ADCY1: variants seen among roughly 807,000 people sequenced by gnomAD.
The protein encoded by ADCY1 is adenylate cyclase 1.
In ADCY1, 28 loss-of-function variants were observed where a neutral mutation model predicts 105.4. The observed-to-expected ratio is 0.27, with a 90% CI of 0.20 to 0.36. ADCY1 has a LOEUF of 0.36. Ranked by LOEUF, ADCY1 falls within the 10% of genes least tolerant of loss-of-function variation. The probability of loss-of-function intolerance (pLI) is 1.00; values close to 1 mark genes in which losing one functional copy is unlikely to be tolerated. For missense variants in ADCY1, 977 were observed against 1,434.2 expected (o/e 0.68, Z 5.15); for synonymous variants, 655 against 623.8 (o/e 1.05, Z -0.75).
intron 4 of ADCY1, among the ~76,000 whole-genome samples, chr7:45,644,868 A>G (rs886465762): frequency 6.6e-6 from 1 of 152,214 alleles, no homozygotes; most frequent in Non-Finnish European, 1.5e-5. Context: ...AAATAAAGCA[A>G]TATATTCAAC....
rs993837750 is a variant in ADCY1 at position 45,722,792 on chromosome 7, G to A, written c.*8797G>A. The A allele has an allele frequency of 5.9e-5, 9 of 152,606 alleles. No individual in the cohort carries two copies. Among genetic ancestry groups the A allele is most frequent in the African/African-American group, 2.2e-4 (9 of 41,434 alleles). The allele number at this position is 152,606 out of a possible 1,614,324, so 9.5% of individuals were successfully genotyped here. On this transcript the variant is annotated 3_prime_UTR_variant, in exon 20 of 20. Transcript: ENST00000297323. ...ACAACTCACTGAGGATGCTTCTGTA[G>A]AAGTGAGAAACACGATGAGTACATT...
chr7:45,670,126 T>TCTC (rs1784336268), intron 8 of ADCY1, among the ~76,000 whole-genome samples: 3 of 152,228 alleles, frequency 2.0e-5, no homozygotes, highest in Non-Finnish European at 4.4e-5. Flanking sequence ...TGGTTCCCCC[T>TCTC]CTGACTGTTA....
chr7:45,669,483 T>C (rs1311794481), intron 8 of ADCY1, among the ~76,000 whole-genome samples: 1 of 152,246 alleles, frequency 6.6e-6, no homozygotes, highest in Non-Finnish European at 1.5e-5. Flanking sequence ...GATTGCACTG[T>C]GGTCTGAGAG....
chr7:45,670,235 C>G (rs1784337567), intron 8 of ADCY1, among the ~76,000 whole-genome samples: 1 of 152,166 alleles, frequency 6.6e-6, no homozygotes, highest in Non-Finnish European at 1.5e-5. Context: ...GTTCCTGGTA[C>G]ATTTTCAGAG....
chr7:45,601,613 A>T (rs140814653), intron 2 of ADCY1, among the ~76,000 whole-genome samples: 1 of 152,084 alleles, frequency 6.6e-6, no homozygotes, highest in Non-Finnish European at 1.5e-5. Flanking sequence ...AGGTGCAGTC[A>T]TGAGTCCTCA....
chr7:45,704,772 T>C (rs1785077045), intron 17 of ADCY1, among the ~76,000 whole-genome samples, 156 bp downstream of exon 17: 1 of 152,096 alleles, frequency 6.6e-6, no homozygotes, highest in Non-Finnish European at 1.5e-5. Flanking sequence ...TGGCTGGCTC[T>C]CTCCAGACAC....
chr7:45,613,072 C>T (rs1451781812), intron 3 of ADCY1, among the ~76,000 whole-genome samples: 1 of 152,026 alleles, frequency 6.6e-6, no homozygotes, highest in African/African-American at 2.4e-5. Flanking sequence ...AAGAACCAGG[C>T]AAAGATGTTC....
At chr7:45,631,755 T>C (rs1584286711) in intron 4 of ADCY1, among the ~76,000 whole-genome samples, 1 of 152,222 alleles carries the variant, frequency 6.6e-6, no homozygotes, top group African/African-American at 2.4e-5. Flanking sequence ...ATGAGAAAGA[T>C]ACACAAATAA....
Position 45,703,556 on chromosome 7 carries a change from G to T in ADCY1, c.2572-44G>T, listed in dbSNP as rs372821773. 2 of 1,611,958 alleles carry T rather than the reference G, an allele frequency of 1.2e-6. No individual in the cohort carries two copies. Among genetic ancestry groups the T allele is most frequent in the Non-Finnish European group, 1.7e-6 (2 of 1,178,518 alleles). On this transcript the variant is annotated intron_variant, in intron 15 of 19. Coordinates refer to ENST00000297323, the MANE Select transcript of ADCY1 (RefSeq NM_021116.4). This position sits in a 1 kb window ranked among gnomAD's most constrained non-coding sequence, Gnocchi z 5.9. ...CACTGCTCTGGCCACCCCACTTGGC[G>T]CTCACCTGGCTGACCCTTCCTGACC...
Position 45,686,272 on chromosome 7 carries a change from T to C in ADCY1, c.2327+57T>C. 4.4e-6 allele frequency: 7 copies of C among 1,575,916 alleles called. No individual in the cohort carries two copies. Among genetic ancestry groups the C allele is most frequent in the Non-Finnish European group, 4.3e-6 (5 of 1,159,524 alleles). On this transcript the variant is annotated intron_variant, in intron 13 of 19. Coordinates refer to ENST00000297323, the MANE Select transcript of ADCY1 (RefSeq NM_021116.4). The surrounding 1 kb of genome is among the most constrained non-coding windows in gnomAD (Gnocchi z 4.3). ...AAGCAGCGGTGCTACTGAATCTGTG[T>C]ATACAGATATGCACTACAGGCTTCT...
chr7:45,693,101 G>C (rs538473042), intron 14 of ADCY1, among the ~76,000 whole-genome samples: 6 of 152,228 alleles, frequency 3.9e-5, no homozygotes, highest in Non-Finnish European at 5.9e-5. Flanking sequence ...CATTCCTTTC[G>C]AAAAGCGATA....
At chr7:45,634,686 G>A (rs1164586205) in intron 4 of ADCY1, among the ~76,000 whole-genome samples, 3 of 152,086 alleles carry the variant, frequency 2.0e-5, no homozygotes, top group Non-Finnish European at 2.9e-5. Context: ...AATACAAAGT[G>A]CCTCCCTCTC....
chr7:45,640,627 G>A (rs1794505793), intron 4 of ADCY1, among the ~76,000 whole-genome samples: 1 of 152,176 alleles, frequency 6.6e-6, no homozygotes, highest in Non-Finnish European at 1.5e-5. Context: ...GGCAGTCAGA[G>A]TTCAGTCCTC....
At chr7:45,679,630 G>A in intron 10 of ADCY1, 79 bp from the exon 11 acceptor site, 1 of 1,432,174 alleles carries the variant, frequency 7.0e-7, no homozygotes, top group Non-Finnish European at 9.8e-7. Context: ...TGGAGGGAGG[G>A]GCCAATTCTC....
At chr7:45,616,739 C>T (rs1012115881) in intron 3 of ADCY1, among the ~76,000 whole-genome samples, 2 of 152,212 alleles carry the variant, frequency 1.3e-5, no homozygotes, top group Non-Finnish European at 2.9e-5. Flanking sequence ...AAAGCCTTCC[C>T]TCTAAAATCA....
At chr7:45,619,347 C>T (rs757823039) in intron 3 of ADCY1, among the ~76,000 whole-genome samples, 1 of 151,946 alleles carries the variant, frequency 6.6e-6, no homozygotes, top group Non-Finnish European at 1.5e-5. Flanking sequence ...TTTTCAAGTA[C>T]GTAGAAGAGA....
chr7:45,582,195 C>T (rs1260291454), intron 1 of ADCY1, among the ~76,000 whole-genome samples: 1 of 152,258 alleles, frequency 6.6e-6, no homozygotes, highest in African/African-American at 2.4e-5. Context: ...CACCTACACT[C>T]ACTTCACTGT....
intron 19 of ADCY1, among the ~76,000 whole-genome samples, chr7:45,711,167 G>A (rs910363113): frequency 2.6e-5 from 4 of 152,164 alleles, no homozygotes; most frequent in African/African-American, 9.7e-5. Flanking sequence ...AATGTGGTTC[G>A]GCTTCTGGGA....
At chr7:45,613,845 A>G (rs1010013912) in intron 3 of ADCY1, among the ~76,000 whole-genome samples, 1 of 152,220 alleles carries the variant, frequency 6.6e-6, no homozygotes, top group Non-Finnish European at 1.5e-5. Flanking sequence ...CTTGCAGGCC[A>G]GAAGGGAGTG....
Sources: gnomAD v4.1 joint callset for allele counts (sites outside exome capture counted in the v4.1 genomes callset) on GRCh38, gnomAD v4.1.1 for gene constraint, Gnocchi (gnomAD v3.1) non-coding constraint, MANE v1.5 for transcripts, NCBI Gene and HGNC (gene_info 2026-07-23, HGNC 2026-07-21) for gene names.